PRKG1: variants seen among roughly 807,000 people sequenced by gnomAD.
PRKG1 encodes the protein cGMP-dependent protein kinase 1.
Under a neutral mutation model 88.1 loss-of-function variants are expected in PRKG1, and 35 were observed. The ratio of observed to expected loss-of-function variants is 0.40; its 90% CI spans 0.30 to 0.53. PRKG1 has a LOEUF of 0.53. Among genes scored for constraint, PRKG1 ranks in the 20% least tolerant of loss-of-function variants. The probability of loss-of-function intolerance (pLI) is 0.59; values close to 1 mark genes in which losing one functional copy is unlikely to be tolerated. For synonymous variants in PRKG1, 303 were observed against 292.5 expected, an observed-to-expected ratio of 1.04 and a Z score of -0.37; for missense variants, 540 against 839.8, an observed-to-expected ratio of 0.64 and a Z score of 4.41.
chr10:51,737,739 TAA>T (rs1837321163), intron 3 of PRKG1, among the ~76,000 whole-genome samples: 1 of 113,184 alleles, frequency 8.8e-6, no homozygotes, highest in Non-Finnish European at 1.9e-5. Flanking sequence ...ATTTATTTAT[TAA>T]TTATTATTAT....
At chr10:51,138,969 A>G (rs1047464127) in intron 1 of PRKG1, among the ~76,000 whole-genome samples, 1 of 151,592 alleles carries the variant, frequency 6.6e-6, no homozygotes, top group Admixed American at 6.6e-5. Context: ...GGCATGAGCC[A>G]CTCCGCCCGG....
At chr10:51,447,610 C>T (rs1839312579) in intron 2 of PRKG1, among the ~76,000 whole-genome samples, 1 of 110,908 alleles carries the variant, frequency 9.0e-6, no homozygotes, top group African/African-American at 4.6e-5. Flanking sequence ...TACATTCACC[C>T]ACCATTTCCA....
At chr10:51,074,077 C>T (rs1222045305), upstream of PRKG1, among the ~76,000 whole-genome samples, 2 of 150,298 alleles carry the variant, frequency 1.3e-5, no homozygotes, top group African/African-American at 2.4e-5. Flanking sequence ...CCTCCCTGTC[C>T]CCTCCCTCCC....
chr10:52,166,819 G>GTGTA lies in PRKG1; in HGVS notation c.1076+4857_1076+4858insGTAT, dbSNP rs1838470414. Among the ~76,000 whole-genome samples the GTGTA allele has an allele frequency of 1.1e-4, 6 of 55,314 alleles. 1 individual carries two copies. In the Admixed American group the frequency reaches 1.3e-3, roughly 12 times the overall value. 36.3% of individuals were successfully genotyped at this position (55,314 alleles called of 152,430 possible). A position where few individuals can be genotyped will look rare whatever the true frequency, so the allele number is the denominator to read the frequency against. ...TATACATATATATATGTATATATAT[G>GTGTA]TATATATATGTATATATATGTATAT... On this transcript the variant is annotated intron_variant, in intron 9 of 17. Coordinates refer to ENST00000373980, the MANE Select transcript of PRKG1 (RefSeq NM_006258.4).
At chr10:51,645,764 C>T (rs1839901222) in intron 3 of PRKG1, among the ~76,000 whole-genome samples, 1 of 152,108 alleles carries the variant, frequency 6.6e-6, no homozygotes, top group Non-Finnish European at 1.5e-5. Context: ...ACTTCAGATA[C>T]ATCAACAGCA....
chr10:51,752,027 C>A (rs1369981788), intron 3 of PRKG1, among the ~76,000 whole-genome samples: 1 of 152,108 alleles, frequency 6.6e-6, no homozygotes. Flanking sequence ...GATCTTTAAA[C>A]CTTTCCTTAG....
chr10:52,224,420 A>G (rs1240505135), intron 9 of PRKG1, among the ~76,000 whole-genome samples: 1 of 151,854 alleles, frequency 6.6e-6, no homozygotes, highest in African/African-American at 2.4e-5. Context: ...CACACTCCCT[A>G]GTACCCTTTA....
At chr10:51,618,362 A>G (rs1408262280) in intron 3 of PRKG1, among the ~76,000 whole-genome samples, 1 of 152,222 alleles carries the variant, frequency 6.6e-6, no homozygotes, top group Non-Finnish European at 1.5e-5. Context: ...TCAGAACAAA[A>G]TGTAATAGCT....
intron 8 of PRKG1, among the ~76,000 whole-genome samples, chr10:52,158,519 A>G (rs1464819524): frequency 2.6e-5 from 4 of 151,760 alleles, no homozygotes; most frequent in African/African-American, 7.2e-5. Context: ...CTATAACACC[A>G]TCAATTATGC....
chr10:52,047,351 T>G (rs1250421167), intron 5 of PRKG1, among the ~76,000 whole-genome samples: 1 of 152,116 alleles, frequency 6.6e-6, no homozygotes, highest in Non-Finnish European at 1.5e-5. Flanking sequence ...TATGACAACT[T>G]TTGTGCACTG....
intron 3 of PRKG1, among the ~76,000 whole-genome samples, chr10:51,710,365 AT>A (rs112847288): frequency 0.054 from 8,156 of 151,102 alleles, 340 homozygotes; most frequent in Non-Finnish European, 0.08. Context: ...AAGATGAAAG[AT>A]TTTTTTTTTC....
intron 5 of PRKG1, among the ~76,000 whole-genome samples, chr10:51,987,835 A>G (rs1208664212): frequency 1.3e-5 from 2 of 152,110 alleles, no homozygotes; most frequent in Non-Finnish European, 2.9e-5. Flanking sequence ...AGGGACAAGT[A>G]TAGGTTCAAG....
intron 5 of PRKG1, chr10:51,908,524 G>A (rs1432197629): frequency 6.6e-6 from 1 of 151,884 alleles, no homozygotes; most frequent in Non-Finnish European, 1.5e-5. Context: ...GAAGTCACTG[G>A]ATGGCTCTAG....
intron 3 of PRKG1, among the ~76,000 whole-genome samples, chr10:51,507,115 G>C (rs952209279): frequency 6.8e-6 from 1 of 147,968 alleles, no homozygotes; most frequent in Non-Finnish European, 1.5e-5. Flanking sequence ...AACACATGAA[G>C]ACAGGAAGGG....
At chr10:52,198,123 C>T (rs1839555998) in intron 9 of PRKG1, among the ~76,000 whole-genome samples, 1 of 152,106 alleles carries the variant, frequency 6.6e-6, no homozygotes, top group Admixed American at 6.5e-5. Flanking sequence ...TTATATTTTG[C>T]CTAATGTATT....
chr10:51,874,686 G>C (rs1446923585), intron 4 of PRKG1, among the ~76,000 whole-genome samples: 1 of 152,166 alleles, frequency 6.6e-6, no homozygotes, highest in Non-Finnish European at 1.5e-5. Context: ...TAAAATATAT[G>C]TACCTTAAAT....
intron 2 of PRKG1, among the ~76,000 whole-genome samples, chr10:51,409,953 G>T (rs764548349): frequency 9.9e-5 from 15 of 151,474 alleles, no homozygotes; most frequent in Non-Finnish European, 1.5e-4. Flanking sequence ...ATGGGGGCCT[G>T]CCAGAGGCTT....
At chr10:51,190,955 A>G (rs1837616861) in intron 2 of PRKG1, among the ~76,000 whole-genome samples, 1 of 151,850 alleles carries the variant, frequency 6.6e-6, no homozygotes, top group South Asian at 2.1e-4. Flanking sequence ...TGTTACAATT[A>G]TTATGCTCAG....
At chr10:52,032,737 T>A (rs1258970428) in intron 5 of PRKG1, among the ~76,000 whole-genome samples, 2 of 152,170 alleles carry the variant, frequency 1.3e-5, no homozygotes, top group Non-Finnish European at 2.9e-5. Context: ...GCAAATAAGT[T>A]ACCACTAGGT....
Sources: allele counts gnomAD v4.1 joint callset (sites outside exome capture counted in the v4.1 genomes callset), GRCh38; gene constraint gnomAD v4.1.1; transcripts MANE v1.5; gene names NCBI Gene and HGNC (gene_info 2026-07-23, HGNC 2026-07-21).